The following RAB6A variants were observed in gnomAD, a reference collection of about 807,000 sequenced individuals.
RAB6A encodes RAB6A, member RAS oncogene family, also known as ras-related protein Rab-6A.
Under a neutral mutation model 32.3 loss-of-function variants are expected in RAB6A, and 8 were observed. That is an observed-to-expected ratio of 0.25 (90% CI 0.15 to 0.45). The LOEUF is 0.45. RAB6A is among the 20% of genes least tolerant of loss of function. The pLI, the probability that RAB6A is intolerant of heterozygous loss-of-function variation, is 1.00. For synonymous variants in RAB6A, 73 were observed against 82.1 expected (o/e 0.89, Z 0.60); for missense variants, 104 against 249.4 (o/e 0.42, Z 3.93).
chr11:73,726,625 T>TGTAGTTCC (rs1946227591), intron 2 of RAB6A, among the ~76,000 whole-genome samples: 1 of 118,042 alleles, frequency 8.5e-6, no homozygotes, highest in Non-Finnish European at 1.7e-5. Flanking sequence ...GGTGCACACC[T>TGTAGTTCC]GTAGTTCCAG....
In RAB6A at chr11:73,752,505, CA is replaced by C. The variant is rs1185700854; in HGVS notation, c.70+8060del. ...CAGAAAGGAACATTCAGAAGATGAA[CA>C]AAAACACTCTTTGAAATTAAAATGA... On this transcript the variant is annotated intron_variant, in intron 1 of 7. Coordinates refer to ENST00000336083, the MANE Select transcript of RAB6A (RefSeq NM_198896.2). Among the ~76,000 whole-genome samples the C allele has an allele frequency of 4.6e-5, 7 of 151,872 alleles. No homozygotes were observed. In the East Asian group the frequency reaches 1.4e-3, roughly 30 times the overall value.
rs994127544 is a variant in RAB6A at position 73,760,650 on chromosome 11, A to G, written c.-15T>C. The G allele has an allele frequency of 1.2e-6, 2 of 1,603,476 alleles. No homozygotes were observed. Among genetic ancestry groups the G allele is most frequent in the Non-Finnish European group, 8.5e-7 (1 of 1,175,522 alleles). ...CCCGTGGACATTGTGGAACTAGAGG[A>G]GCGGCCGCCGCCTCAGCCTAGAGAC... On this transcript the variant is annotated 5_prime_UTR_variant, in exon 1 of 8. Coordinates refer to ENST00000336083, the MANE Select transcript of RAB6A (RefSeq NM_198896.2).
intron 1 of RAB6A, among the ~76,000 whole-genome samples, chr11:73,752,808 A>G (rs1375163410): frequency 1.3e-5 from 2 of 151,464 alleles, no homozygotes; most frequent in Non-Finnish European, 2.9e-5. Context: ...ACAGAGTAAG[A>G]CTCCAGCTCA....
chr11:73,755,940 A>G (rs1590897884), intron 1 of RAB6A, among the ~76,000 whole-genome samples: 1 of 152,068 alleles, frequency 6.6e-6, no homozygotes, highest in East Asian at 1.9e-4. Context: ...AGGAGGAGGA[A>G]GAAGAACAAC....
At position 73,681,455 on chromosome 11, in the gene RAB6A, C is replaced by T. The variant is rs144507398; in HGVS notation, c.496-1735G>A. On this transcript the variant is annotated intron_variant, in intron 6 of 7. Transcript: ENST00000336083. ...GCTCTATAAGTATTACTGAATTAAACGAAGAAAGAACAGAATGCCTAGAAG... is the reference window on the plus strand; with the variant it reads ...GCTCTATAAGTATTACTGAATTAAATGAAGAAAGAACAGAATGCCTAGAAG... 4.5e-4 allele frequency among the ~76,000 whole-genome samples: 69 copies of T among 152,144 alleles called. No individual in the cohort carries two copies. In the East Asian group the frequency reaches 0.012, roughly 26 times the overall value.
intron 5 of RAB6A, among the ~76,000 whole-genome samples, chr11:73,709,373 G>A (rs559543845): frequency 6.6e-5 from 10 of 151,358 alleles, no homozygotes; most frequent in Non-Finnish European, 1.2e-4. Flanking sequence ...GAGGAAAGGA[G>A]GATAAATGCT....
intron 4 of RAB6A, among the ~76,000 whole-genome samples, chr11:73,717,432 A>C (rs1350317517): frequency 6.6e-6 from 1 of 152,176 alleles, no homozygotes. Flanking sequence ...TAACCCTAGC[A>C]CTTTAGTTTT....
At chr11:73,750,484 C>A (rs1045015529) in intron 1 of RAB6A, among the ~76,000 whole-genome samples, 4 of 151,926 alleles carry the variant, frequency 2.6e-5, no homozygotes, top group Non-Finnish European at 5.9e-5. Flanking sequence ...GTCTCCAGGG[C>A]AGCTGGGATT....
chr11:73,728,243 A>G (rs1946251348), intron 2 of RAB6A, among the ~76,000 whole-genome samples: 1 of 152,192 alleles, frequency 6.6e-6, no homozygotes, highest in Non-Finnish European at 1.5e-5. Context: ...TCCTGATCTT[A>G]GAAAGCGTTC....
At chr11:73,691,284 C>T (rs1945557402) in intron 6 of RAB6A, among the ~76,000 whole-genome samples, 1 of 152,200 alleles carries the variant, frequency 6.6e-6, no homozygotes, top group African/African-American at 2.4e-5. Flanking sequence ...CCCTGAGACG[C>T]CTTTTGCTTT....
At chr11:73,691,905 G>A (rs1230096987) in intron 6 of RAB6A, among the ~76,000 whole-genome samples, 3 of 151,938 alleles carry the variant, frequency 2.0e-5, no homozygotes, top group East Asian at 1.9e-4. Flanking sequence ...CCTGAGAGGC[G>A]GAGGTTGCAG....
chr11:73,755,818 A>G (rs150470230), intron 1 of RAB6A, among the ~76,000 whole-genome samples: 2,623 of 143,438 alleles, frequency 0.018, 37 homozygotes, highest in Non-Finnish European at 0.029. Context: ...GGAAAGGGGG[A>G]AGGAAGGGAG....
intron 1 of RAB6A, among the ~76,000 whole-genome samples, chr11:73,741,010 T>C (rs974440008): frequency 6.6e-6 from 1 of 152,194 alleles, no homozygotes; most frequent in Non-Finnish European, 1.5e-5. Flanking sequence ...GGCTCAAAAG[T>C]TGTTTTTAAT....
chr11:73,759,540 C>G (rs938569185), intron 1 of RAB6A, among the ~76,000 whole-genome samples: 7 of 152,172 alleles, frequency 4.6e-5, no homozygotes, highest in African/African-American at 1.4e-4. Context: ...GATGATGAGT[C>G]TGTTCCTACT....
intron 6 of RAB6A, among the ~76,000 whole-genome samples, chr11:73,682,846 C>T (rs1945381778): frequency 6.6e-6 from 1 of 152,036 alleles, no homozygotes; most frequent in African/African-American, 2.4e-5. Flanking sequence ...GCAAGGGTTT[C>T]TAAAAGTTTA....
chr11:73,713,054 G>A (rs1024370080), intron 5 of RAB6A, among the ~76,000 whole-genome samples: 4 of 152,094 alleles, frequency 2.6e-5, no homozygotes, highest in Non-Finnish European at 5.9e-5. Flanking sequence ...GGGTCATCTT[G>A]TTCATCTTAT....
chr11:73,737,767 G>A (rs1196475475), intron 1 of RAB6A, among the ~76,000 whole-genome samples: 4 of 151,906 alleles, frequency 2.6e-5, no homozygotes, highest in Non-Finnish European at 4.4e-5. Context: ...GGCCAAGGCG[G>A]GTGGATCATG....
intron 1 of RAB6A, among the ~76,000 whole-genome samples, chr11:73,738,149 GTTATTTTTTAT>G (rs1184833558): frequency 6.6e-6 from 1 of 151,944 alleles, no homozygotes; most frequent in Non-Finnish European, 1.5e-5. Context: ...AAATGTGAAT[GTTATTTTTTAT>G]TTATTTTTTA....
intron 6 of RAB6A, among the ~76,000 whole-genome samples, chr11:73,699,008 C>A (rs548321978): frequency 1.0e-3 from 156 of 152,002 alleles, no homozygotes; most frequent in Non-Finnish European, 1.9e-3. Flanking sequence ...CCCGCCACCA[C>A]ACCCAGCTAA....
Sources: allele counts gnomAD v4.1 joint callset (sites outside exome capture counted in the v4.1 genomes callset), GRCh38; gene constraint gnomAD v4.1.1; transcripts MANE v1.5; gene names NCBI Gene and HGNC (gene_info 2026-07-23, HGNC 2026-07-21).